The following KCNIP4 variants were observed in gnomAD, a reference collection of about 807,000 sequenced individuals.
KCNIP4 encodes Kv channel-interacting protein 4.
Under a neutral mutation model 34.0 loss-of-function variants are expected in KCNIP4, and 12 were observed. The observed-to-expected ratio is 0.35, with a 90% CI of 0.23 to 0.57. The LOEUF is 0.57. Among genes scored for constraint, KCNIP4 ranks in the 20% least tolerant of loss-of-function variants. KCNIP4 has a pLI of 0.83. For synonymous variants in KCNIP4, 124 were observed against 102.2 expected (o/e 1.21, Z -1.29); for missense variants, 238 against 311.7 (o/e 0.76, Z 1.78).
At chr4:21,177,715 G>T (rs1754518535) in intron 1 of KCNIP4, among the ~76,000 whole-genome samples, 1 of 151,620 alleles carries the variant, frequency 6.6e-6, no homozygotes, top group South Asian at 2.1e-4. Flanking sequence ...ACAAAAATTA[G>T]CCGGGCATGG....
chr4:21,939,292 C>T (rs1730061257), intron 1 of KCNIP4, among the ~76,000 whole-genome samples: 1 of 152,132 alleles, frequency 6.6e-6, no homozygotes. Context: ...AACTAGAGGA[C>T]TTACAGGGTG....
chr4:20,965,035 G>A (rs1057018862), intron 1 of KCNIP4, among the ~76,000 whole-genome samples: 2 of 152,114 alleles, frequency 1.3e-5, no homozygotes, highest in African/African-American at 4.8e-5. Context: ...AGAGAAGATG[G>A]AGAGAAGGCA....
chr4:21,042,198 T>A (rs1742023936), intron 1 of KCNIP4, among the ~76,000 whole-genome samples: 1 of 152,146 alleles, frequency 6.6e-6, no homozygotes, highest in Admixed American at 6.5e-5. Flanking sequence ...TGGGTATATA[T>A]CCAAAGTAAA....
intron 5 of KCNIP4, among the ~76,000 whole-genome samples, chr4:20,735,704 T>A (rs1445681060): frequency 6.6e-6 from 1 of 151,876 alleles, no homozygotes; most frequent in African/African-American, 2.4e-5. Flanking sequence ...GCCTGACTAA[T>A]TTTTGTATTT....
chr4:21,010,971 C>G (rs1269651144), intron 1 of KCNIP4, among the ~76,000 whole-genome samples: 2 of 152,124 alleles, frequency 1.3e-5, no homozygotes, highest in African/African-American at 2.4e-5. Flanking sequence ...TGAGAGTTAC[C>G]TTTTGGAAAA....
chr4:21,170,719 A>C (rs1270385161), intron 1 of KCNIP4, among the ~76,000 whole-genome samples: 2 of 152,198 alleles, frequency 1.3e-5, no homozygotes, highest in Non-Finnish European at 2.9e-5. Context: ...AACATGTAGG[A>C]AATAAAACAG....
intron 1 of KCNIP4, among the ~76,000 whole-genome samples, chr4:21,274,839 A>T (rs777610366): frequency 1.3e-5 from 2 of 152,082 alleles, no homozygotes; most frequent in Non-Finnish European, 2.9e-5. Context: ...AGTAAAGAGG[A>T]GGGTATCTTG....
At chr4:21,817,751 G>A (rs1722076817) in intron 1 of KCNIP4, among the ~76,000 whole-genome samples, 1 of 152,074 alleles carries the variant, frequency 6.6e-6, no homozygotes, top group Non-Finnish European at 1.5e-5. Context: ...TTACTAGGGT[G>A]GGGAAAAACT....
chr4:21,083,468 AC>A (rs1746176450), intron 1 of KCNIP4, among the ~76,000 whole-genome samples: 1 of 151,784 alleles, frequency 6.6e-6, no homozygotes, highest in Non-Finnish European at 1.5e-5. Flanking sequence ...ATCCAAGTGG[AC>A]CCTAGGTGAA....
At chr4:21,567,462 C>T (rs994803620) in intron 1 of KCNIP4, among the ~76,000 whole-genome samples, 1 of 151,936 alleles carries the variant, frequency 6.6e-6, no homozygotes, top group Admixed American at 6.6e-5. Context: ...GGCCAGAACT[C>T]ATGAATAGAC....
intron 1 of KCNIP4, among the ~76,000 whole-genome samples, chr4:21,755,860 C>G (rs1226336535): frequency 6.6e-6 from 1 of 152,144 alleles, no homozygotes; most frequent in Non-Finnish European, 1.5e-5. Context: ...GTCACAATTT[C>G]TATAGTTGCT....
chr4:21,567,013 T>C (rs1470216359), intron 1 of KCNIP4, among the ~76,000 whole-genome samples: 1 of 152,154 alleles, frequency 6.6e-6, no homozygotes, highest in Middle Eastern at 3.2e-3. Flanking sequence ...TTACGGTAAC[T>C]ATCAATACCG....
At chr4:21,066,481 C>T (rs1394139721) in intron 1 of KCNIP4, among the ~76,000 whole-genome samples, 1 of 152,166 alleles carries the variant, frequency 6.6e-6, no homozygotes, top group African/African-American at 2.4e-5. Flanking sequence ...GTAGAAAAGA[C>T]AGTCTTTAAT....
chr4:21,641,135 G>T (rs541244129), intron 1 of KCNIP4, among the ~76,000 whole-genome samples: 1 of 152,302 alleles, frequency 6.6e-6, no homozygotes, highest in African/African-American at 2.4e-5. Flanking sequence ...ATCAAACCAA[G>T]AAGTGGTATA....
intron 1 of KCNIP4, among the ~76,000 whole-genome samples, chr4:21,418,527 AC>A (rs1003463660): frequency 3.9e-5 from 6 of 151,980 alleles, no homozygotes; most frequent in African/African-American, 1.4e-4. Flanking sequence ...AATAAAAGGA[AC>A]CCCAGAATTA....
intron 1 of KCNIP4, among the ~76,000 whole-genome samples, chr4:21,604,497 C>A (rs1420900474): frequency 6.6e-6 from 1 of 151,968 alleles, no homozygotes; most frequent in Non-Finnish European, 1.5e-5. Context: ...AGTAATACCA[C>A]CTCTATCTTG....
intron 3 of KCNIP4, among the ~76,000 whole-genome samples, chr4:20,768,364 C>T (rs1411889971): frequency 6.6e-6 from 1 of 152,050 alleles, no homozygotes; most frequent in Non-Finnish European, 1.5e-5. Context: ...CCCACAATGA[C>T]TATGATCGCA....
chr4:21,424,837 A>G lies in KCNIP4; in HGVS notation c.61+523734T>C, dbSNP rs190359979. Among the ~76,000 whole-genome samples the G allele has an allele frequency of 4.6e-5, 7 of 152,362 alleles. No individual in the cohort carries two copies. The East Asian group carries it at 1.4e-3, about 29-fold the overall frequency. On this transcript the variant is annotated intron_variant, in intron 1 of 8. Coordinates refer to ENST00000382152, the MANE Select transcript of KCNIP4 (RefSeq NM_025221.6). ...CAGATGTCAATCAAATATTTTCCAG[A>G]TAAGACAGTCATAGTGCCACATGTT...
intron 1 of KCNIP4, among the ~76,000 whole-genome samples, chr4:21,267,753 G>A (rs540551464): frequency 2.2e-4 from 32 of 146,846 alleles, no homozygotes; most frequent in African/African-American, 7.7e-4. Flanking sequence ...CGGTTTGCCA[G>A]TATTTTATTG....
Sources: gnomAD v4.1 joint callset for allele counts (sites outside exome capture counted in the v4.1 genomes callset) on GRCh38, gnomAD v4.1.1 for gene constraint, MANE v1.5 for transcripts, NCBI Gene and HGNC (gene_info 2026-07-23, HGNC 2026-07-21) for gene names.